Variants in TRAF7 observed in about 807,000 individuals in gnomAD.
TRAF7 encodes the protein E3 ubiquitin-protein ligase TRAF7.
Under a neutral mutation model 89.3 loss-of-function variants are expected in TRAF7, and 45 were observed. The ratio of observed to expected loss-of-function variants is 0.50; its 90% confidence interval spans 0.40 to 0.65. TRAF7 has a LOEUF of 0.65. TRAF7 is among the 30% of genes least tolerant of loss of function. The pLI is 0.00. For missense variants in TRAF7, 677 were observed against 918.1 expected, an observed-to-expected ratio of 0.74 and a Z score of 3.39; for synonymous variants, 406 against 369.2, an observed-to-expected ratio of 1.10 and a Z score of -1.14.
Position 2,163,848 on chromosome 16 carries a change from ATC to A in TRAF7, c.-38-30_-38-29del. 1.4e-6 allele frequency: 2 copies of A among 1,384,166 alleles called. No homozygotes were observed. Among genetic ancestry groups the A allele is most frequent in the Admixed American group, 1.9e-5 (1 of 53,478 alleles). 85.7% of individuals were successfully genotyped at this position (1,384,166 alleles called of 1,614,324 possible). A position where few individuals can be genotyped will look rare whatever the true frequency, so the allele number is the denominator to read the frequency against. The stretch of plus-strand genomic sequence containing the variant: ...TCTGACTCACAGGGGCCTGGGCTCC[ATC>A]TCTCAAGCCCCTCATTTGTGCTCCA... On this transcript the variant is annotated intron_variant, in intron 1 of 20. Transcript: ENST00000326181. The surrounding 1 kb of genome is among the most constrained non-coding windows in gnomAD (Gnocchi z 4.3).
intron 4 of TRAF7, among the ~76,000 whole-genome samples, chr16:2,169,210 G>A (rs1329180097): frequency 2.6e-5 from 4 of 152,114 alleles, no homozygotes; most frequent in South Asian, 2.1e-4. Context: ...TCGAACTCCC[G>A]ACCTCAGCTG....
Position 2,168,430 on chromosome 16 carries a change from T to C in TRAF7, c.231+262T>C, listed in dbSNP as rs925950026. On this transcript the variant is annotated intron_variant, in intron 4 of 20. Transcript: ENST00000326181. This position sits in a 1 kb window ranked among gnomAD's most constrained non-coding sequence, Gnocchi z 4.1. ...GGCACCTGCAGGCCAGGATGAGGCA[T>C]ATTTGGCTCCATCTTAAGGGAGGTG... The C allele has an allele frequency of 8.9e-6, 4 of 451,230 alleles. No homozygotes were observed. In the East Asian group the frequency reaches 1.7e-4, roughly 19 times the overall value. 28.0% of individuals were successfully genotyped at this position (451,230 alleles called of 1,614,324 possible). A position where few individuals can be genotyped will look rare whatever the true frequency, so the allele number is the denominator to read the frequency against.
chr16:2,165,435 G>T (rs1229722991), intron 2 of TRAF7, among the ~76,000 whole-genome samples: 1 of 131,872 alleles, frequency 7.6e-6, no homozygotes, highest in Admixed American at 7.3e-5. Context: ...ATGGTTAAGC[G>T]TGTTAGTGCT....
Position 2,168,146 on chromosome 16 carries a change from C to T in TRAF7, c.209C>T (p.Pro70Leu), listed in dbSNP as rs762923537. The change falls in exon 4 of 21, where the codon CCG becomes CTG. Residue 70 changes from proline (P) to leucine (L), a missense_variant. This residue lies in a region of TRAF7 where 240 missense variants were observed against 191.9 expected (regional missense o/e 1.25). Transcript: ENST00000326181. The surrounding 1 kb of genome is among the most constrained non-coding windows in gnomAD (Gnocchi z 4.1). ...PSSSSTLAYSPRDEEDSMPPI... is the reference protein window; with the variant it reads ...PSSSSTLAYSLRDEEDSMPPI... ...TCCTCCAGCACCCTTGCCTACTCCC[C>T]GCGGGACGAGGAGGACAGCATGGTA... The T allele has an allele frequency of 1.7e-5, 27 of 1,611,848 alleles. No homozygotes were observed. The highest frequency in any genetic ancestry group is 5.0e-5 in the Admixed American group (3 of 59,956).
chr16:2,171,667 G>A (rs374492429), intron 7 of TRAF7, 62 bp downstream of exon 7: 48 of 1,610,448 alleles, frequency 3.0e-5, no homozygotes, highest in East Asian at 2.2e-4. Flanking sequence ...GAGCAGAGGC[G>A]GGCGGCTTCT....
rs1934626177 is a variant in TRAF7 at position 2,169,779 on chromosome 16, G to A, written c.232-835G>A. 2.0e-5 allele frequency among the ~76,000 whole-genome samples: 3 copies of A among 152,224 alleles called. 1 individual carries two copies. In the South Asian group the frequency reaches 6.2e-4, roughly 31 times the overall value. ...GCCCTTGGGACCCAAAGGGAGGTGGGTACATGGCACACAATGCCCCCCGCC... is the reference window on the plus strand; with the variant it reads ...GCCCTTGGGACCCAAAGGGAGGTGGATACATGGCACACAATGCCCCCCGCC... On this transcript the variant is annotated intron_variant, in intron 4 of 20. Coordinates refer to ENST00000326181, the MANE Select transcript of TRAF7 (RefSeq NM_032271.3).
At position 2,157,285 on chromosome 16, in the gene TRAF7, G is replaced by C. The variant is rs142874366; in HGVS notation, c.-39+1427G>C. 6.9e-3 allele frequency among the ~76,000 whole-genome samples: 1,046 copies of C among 152,238 alleles called. 9 individuals carry two copies. Among genetic ancestry groups the C allele is most frequent in the Admixed American group, 9.2e-3 (140 of 15,294 alleles). On this transcript the variant is annotated intron_variant, in intron 1 of 20. Coordinates refer to ENST00000326181, the MANE Select transcript of TRAF7 (RefSeq NM_032271.3). ...GCCTCGGGCCCCGTGTCCTGAGGGG[G>C]AGCAGTGGTATGGGCAGCCTGGCCT...
At position 2,163,963 on chromosome 16, in the gene TRAF7, G is replaced by A; in HGVS notation, c.43G>A (p.Gly15Arg). The part of the protein sequence containing the change: ...KSARYNRFSG[G>R]PSNLPTPDVT... ...TGCCCGCTACAACCGCTTCTCCGGG[G>A]GGCCCAGCAATCTTCCCACCCCAGA... The change falls in exon 2 of 21, where the codon GGG (glycine) becomes AGG (arginine). Residue 15 changes from glycine (G) to arginine (R), a missense_variant. By Grantham distance (125) the Gly-to-Arg change is moderately radical (BLOSUM62 -2). This residue lies in a region of TRAF7 where 240 missense variants were observed against 191.9 expected (regional missense o/e 1.25). Coordinates refer to ENST00000326181, the MANE Select transcript of TRAF7 (RefSeq NM_032271.3). This position sits in a 1 kb window ranked among gnomAD's most constrained non-coding sequence, Gnocchi z 4.3. 15 of 1,612,908 alleles carry A rather than the reference G, an allele frequency of 9.3e-6. No individual in the cohort carries two copies. Among genetic ancestry groups the A allele is most frequent in the South Asian group, 3.3e-5 (3 of 90,978 alleles).
rs2093145277 is a variant in TRAF7, at chr16:2,177,695, T to C, written c.*1121T>C. The C allele has an allele frequency of 1.6e-5, 4 of 243,836 alleles. No homozygotes were observed. Among genetic ancestry groups the C allele is most frequent in the Non-Finnish European group, 3.2e-5 (4 of 124,048 alleles). 15.1% of individuals were successfully genotyped at this position (243,836 alleles called of 1,614,324 possible). On this transcript the variant is annotated 3_prime_UTR_variant, in exon 21 of 21. Coordinates refer to ENST00000326181, the MANE Select transcript of TRAF7 (RefSeq NM_032271.3). ...TGGCCTGGCCTGCTACATGCCCTGC[T>C]TCCACGTGGCTGCCACGCTGACACA...
rs1016318819 is a variant in TRAF7, at chr16:2,159,627, G to A, written c.-39+3769G>A. 2.6e-5 allele frequency among the ~76,000 whole-genome samples: 4 copies of A among 152,154 alleles called. No homozygotes were observed. The highest frequency in any genetic ancestry group is 2.9e-5 in the Non-Finnish European group (2 of 68,008). ...CTCTGTGATGCCAGGGGCCACGCTC[G>A]GAGCTCTGGCCGCAGTCCAGCCAGC... is the stretch of plus-strand genomic sequence containing the variant. On this transcript the variant is annotated intron_variant, in intron 1 of 20. Transcript: ENST00000326181. The surrounding 1 kb of genome is among the most constrained non-coding windows in gnomAD (Gnocchi z 6.5).
intron 3 of TRAF7, 110 bp from the exon 4 acceptor site, chr16:2,167,967 G>A: frequency 1.1e-6 from 1 of 940,006 alleles, no homozygotes; most frequent in Non-Finnish European, 1.6e-6. Context: ...GCCCTGGGGA[G>A]GGCTGTGAGC....
chr16:2,164,145 T>TGC (rs1169355037), intron 2 of TRAF7, 144 bp downstream of exon 2: 3 of 557,998 alleles, frequency 5.4e-6, no homozygotes, highest in Non-Finnish European at 9.2e-6. Flanking sequence ...GTGTGGTGTG[T>TGC]GTGTGTGTGT....
chr16:2,173,859 T>TGGGGGGGCCCCCC, intron 12 of TRAF7, 23 bp downstream of exon 12: 5 of 1,246,216 alleles, frequency 4.0e-6, no homozygotes, highest in Non-Finnish European at 5.5e-6. Flanking sequence ...CCGCCGTGGC[T>TGGGGGGGCCCCCC]CCCGCCCACC....
chr16:2,172,722 TA>T, intron 9 of TRAF7, 123 bp downstream of exon 9: 1 of 1,238,470 alleles, frequency 8.1e-7, no homozygotes, highest in Non-Finnish European at 1.1e-6. Context: ...CCGGGGTCTG[TA>T]ATCCTCTCTG....
At position 2,172,597 on chromosome 16, in the gene TRAF7, C is replaced by T. The variant is rs187643207; in HGVS notation, c.792C>T (p.Tyr264=). The T allele has an allele frequency of 0.041, 36,586 of 889,448 alleles. 525 individuals carry two copies. The highest frequency in any genetic ancestry group is 0.055 in the Non-Finnish European group (33,286 of 601,296). 55.1% of individuals were successfully genotyped at this position (889,448 alleles called of 1,614,324 possible). The change falls in exon 9 of 21, where the codon TAC becomes TAT. Residue 264 remains tyrosine, a splice_region_variant and synonymous_variant. Transcript: ENST00000326181. The stretch of plus-strand genomic sequence containing the variant: ...ACATCAAATGCCCCCACTCCAAGTA[C>T]GGGTGAGTGGGGGGCGGGCGGGGGT... ...CEHIKCPHSK[Y]GCTFIGNQDT... is the part of the protein sequence containing the mutation.
At chr16:2,165,326 TGGCGCGGCCTGGTCG>T (rs1288645441) in intron 2 of TRAF7, among the ~76,000 whole-genome samples, 2 of 139,506 alleles carry the variant, frequency 1.4e-5, no homozygotes, top group Non-Finnish European at 3.1e-5. Context: ...GAGTGCTGTG[TGGCGCGGCCTGGTCG>T]CATGGTTAAG....
Position 2,176,695 on chromosome 16 carries a change from T to C in TRAF7, c.*121T>C. The C allele has an allele frequency of 6.8e-7, 1 of 1,476,600 alleles. No individual in the cohort carries two copies. Among genetic ancestry groups the C allele is most frequent in the East Asian group, 2.3e-5 (1 of 42,780 alleles). The allele number at this position is 1,476,600 out of a possible 1,614,324, so 91.5% of individuals were successfully genotyped here. A position where few individuals can be genotyped will look rare whatever the true frequency, so the allele number is the denominator to read the frequency against. ...CCCGTGGGCATAGGTGGACAGGCTC[T>C]GGCAGCCGGGCAGTGCCCTCCCCGT... On this transcript the variant is annotated 3_prime_UTR_variant, in exon 21 of 21. Transcript: ENST00000326181.
In TRAF7 at chr16:2,176,200, T is replaced by C. The variant is rs759770118; in HGVS notation, c.1878+20T>C. 6.9e-6 allele frequency: 11 copies of C among 1,602,434 alleles called. No individual in the cohort carries two copies. The Admixed American group carries it at 1.8e-4, about 27-fold the overall frequency. The stretch of plus-strand genomic sequence containing the variant: ...CTCAGGGTGCGTGCTGGCCCAGCGG[T>C]GGCAGGAGGCTCAGAGGGCTGGCAG... On this transcript the variant is annotated intron_variant, in intron 19 of 20. Coordinates refer to ENST00000326181, the MANE Select transcript of TRAF7 (RefSeq NM_032271.3).
At chr16:2,164,587 G>A (rs144402232) in intron 2 of TRAF7, among the ~76,000 whole-genome samples, 122 of 136,360 alleles carry the variant, frequency 8.9e-4, no homozygotes, top group African/African-American at 3.0e-3. Flanking sequence ...TTAGTGCTAC[G>A]TGGCGCGGCC....
Sources: gnomAD v4.1 joint callset for allele counts (sites outside exome capture counted in the v4.1 genomes callset) on GRCh38, gnomAD v4.1.1 for gene constraint, gnomAD v4.1.1 regional missense constraint, Gnocchi (gnomAD v3.1) non-coding constraint, MANE v1.5 for transcripts, NCBI Gene and HGNC (gene_info 2026-07-23, HGNC 2026-07-21) for gene names.